The following ADGRL3 variants were observed in gnomAD, a reference collection of about 807,000 sequenced individuals.
ADGRL3 encodes calcium-independent alpha-latrotoxin receptor 3.
In ADGRL3, 62 loss-of-function variants were observed where a neutral mutation model predicts 153.5. The ratio of observed to expected loss-of-function variants is 0.40; its 90% confidence interval spans 0.33 to 0.50. The LOEUF is 0.50. Among genes scored for constraint, ADGRL3 ranks in the 20% least tolerant of loss-of-function variants. The pLI is 0.47. For missense variants in ADGRL3, 1,641 were observed against 1,859.4 expected, an observed-to-expected ratio of 0.88 and a Z score of 2.16; for synonymous variants, 710 against 672.5, an observed-to-expected ratio of 1.06 and a Z score of -0.86.
intron 5 of ADGRL3, among the ~76,000 whole-genome samples, chr4:61,659,002 G>T (rs1189640438): frequency 6.6e-6 from 1 of 152,152 alleles, no homozygotes; most frequent in African/African-American, 2.4e-5. Flanking sequence ...TTCTAGGGAA[G>T]AATCATTGTT....
intron 9 of ADGRL3, among the ~76,000 whole-genome samples, chr4:61,871,652 G>A (rs1455863119): frequency 1.3e-5 from 2 of 152,088 alleles, no homozygotes; most frequent in African/African-American, 4.8e-5. Flanking sequence ...TTGAGCAAGG[G>A]CTTTCTTTTT....
rs1734365008 is a variant in ADGRL3, at chr4:61,200,645, C to A, written c.-1360C>A. ...CTTCTCTTTTTGCCTTGGTCCTCTTCCTACGGGTGTGCGCGCGCGCGGGTT... is the reference window on the plus strand; with the variant it reads ...CTTCTCTTTTTGCCTTGGTCCTCTTACTACGGGTGTGCGCGCGCGCGGGTT... On this transcript the variant is annotated 5_prime_UTR_variant, in exon 1 of 27. Transcript: ENST00000683033. Among the ~76,000 whole-genome samples, 1 of 152,034 alleles carries A rather than the reference C, an allele frequency of 6.6e-6. No homozygotes were observed. The highest frequency in any genetic ancestry group is 2.4e-5 in the African/African-American group (1 of 41,424).
rs1158577489 is a variant in ADGRL3, at chr4:61,999,485, T to G, written c.3395+1220T>G. Among the ~76,000 whole-genome samples the G allele has an allele frequency of 4.6e-5, 7 of 152,232 alleles. 1 individual carries two copies. The highest frequency in any genetic ancestry group is 4.6e-4 in the Admixed American group (7 of 15,280). The stretch of plus-strand genomic sequence containing the variant: ...TAGATGCATATTAGTTATTAAGATA[T>G]GATATATTAAATTGCATTTTCATAT... On this transcript the variant is annotated intron_variant, in intron 21 of 26. Coordinates refer to ENST00000683033, the MANE Select transcript of ADGRL3 (RefSeq NM_001387552.1).
chr4:61,440,912 G>T (rs1444327156), intron 2 of ADGRL3, among the ~76,000 whole-genome samples: 9 of 152,122 alleles, frequency 5.9e-5, no homozygotes, highest in Admixed American at 2.6e-4. Flanking sequence ...TATGCCATTT[G>T]ATTTCTAGGA....
At chr4:61,889,489 T>G (rs1382084181) in intron 9 of ADGRL3, among the ~76,000 whole-genome samples, 1 of 152,200 alleles carries the variant, frequency 6.6e-6, no homozygotes, top group African/African-American at 2.4e-5. Context: ...AGAAACCATT[T>G]AAGCACTTTA....
intron 2 of ADGRL3, among the ~76,000 whole-genome samples, chr4:61,411,734 A>G (rs953238248): frequency 2.6e-5 from 4 of 152,186 alleles, no homozygotes; most frequent in Non-Finnish European, 5.9e-5. Context: ...CATAAATTTC[A>G]TGCACATGTT....
chr4:61,505,428 G>C (rs537116593), intron 3 of ADGRL3, among the ~76,000 whole-genome samples: 1 of 151,866 alleles, frequency 6.6e-6, no homozygotes, highest in Admixed American at 6.6e-5. Context: ...GTCCATAATT[G>C]AAACTTTATT....
chr4:61,388,691 A>T (rs989015910), intron 2 of ADGRL3, among the ~76,000 whole-genome samples: 1 of 152,188 alleles, frequency 6.6e-6, no homozygotes, highest in Admixed American at 6.5e-5. Flanking sequence ...CAGACAGCAA[A>T]TGGAGACCTG....
At chr4:62,047,358 C>G (rs1731665869) in intron 25 of ADGRL3, among the ~76,000 whole-genome samples, 2 of 151,884 alleles carry the variant, frequency 1.3e-5, no homozygotes, top group East Asian at 3.9e-4. Context: ...TTTTGTATGT[C>G]TTATCATCTA....
intron 9 of ADGRL3, among the ~76,000 whole-genome samples, chr4:61,866,361 TA>T (rs1471029181): frequency 6.6e-6 from 1 of 152,178 alleles, no homozygotes; most frequent in East Asian, 1.9e-4. Context: ...AGCCCTTCAC[TA>T]ACGTAAATAG....
intron 1 of ADGRL3, among the ~76,000 whole-genome samples, chr4:61,265,206 G>T (rs968488145): frequency 3.3e-5 from 5 of 151,874 alleles, no homozygotes; most frequent in African/African-American, 9.7e-5. Context: ...TGGGAAATTA[G>T]AATCTACCAA....
At chr4:61,695,710 T>C (rs1250005176) in intron 6 of ADGRL3, among the ~76,000 whole-genome samples, 3 of 152,196 alleles carry the variant, frequency 2.0e-5, no homozygotes, top group Admixed American at 6.5e-5. Flanking sequence ...ATGTACTAGA[T>C]AGCGTCTTCT....
chr4:61,491,841 G>T (rs1415082724), intron 2 of ADGRL3, among the ~76,000 whole-genome samples: 3 of 152,028 alleles, frequency 2.0e-5, no homozygotes, highest in Non-Finnish European at 4.4e-5. Flanking sequence ...CATTAAAAAG[G>T]TACTTTATGG....
chr4:61,388,127 A>G (rs970628502), intron 2 of ADGRL3, among the ~76,000 whole-genome samples: 18 of 152,224 alleles, frequency 1.2e-4, no homozygotes, highest in African/African-American at 4.3e-4. Context: ...CCATTTTAAT[A>G]ATAAAATACA....
At chr4:61,930,154 C>T (rs957359281) in intron 13 of ADGRL3, among the ~76,000 whole-genome samples, 28 of 143,408 alleles carry the variant, frequency 2.0e-4, no homozygotes, top group Admixed American at 1.5e-3. Flanking sequence ...CCAGGCTGGG[C>T]GACAGAGCAA....
At chr4:61,747,812 C>G (rs1385367284) in intron 8 of ADGRL3, among the ~76,000 whole-genome samples, 1 of 151,100 alleles carries the variant, frequency 6.6e-6, no homozygotes, top group African/African-American at 2.5e-5. Flanking sequence ...CAGGGATGCC[C>G]TCTCTCACCA....
chr4:61,868,631 C>CA (rs1561387215), intron 9 of ADGRL3, among the ~76,000 whole-genome samples: 7 of 152,076 alleles, frequency 4.6e-5, no homozygotes. Context: ...ACTTGCCTTT[C>CA]TTTTTTTTCT....
At chr4:61,302,509 C>T (rs1228941859) in intron 1 of ADGRL3, among the ~76,000 whole-genome samples, 6 of 151,824 alleles carry the variant, frequency 4.0e-5, no homozygotes, top group Admixed American at 2.0e-4. Flanking sequence ...CTTTCATTTT[C>T]TCTTTTTTCC....
chr4:62,059,654 C>A (rs1422981920), intron 25 of ADGRL3, among the ~76,000 whole-genome samples: 1 of 152,112 alleles, frequency 6.6e-6, no homozygotes, highest in Non-Finnish European at 1.5e-5. Flanking sequence ...GCATGACACT[C>A]ATTATAGCTA....
Sources: gnomAD v4.1 joint callset for allele counts (sites outside exome capture counted in the v4.1 genomes callset) on GRCh38, gnomAD v4.1.1 for gene constraint, MANE v1.5 for transcripts, NCBI Gene and HGNC (gene_info 2026-07-23, HGNC 2026-07-21) for gene names.